Variants in PCNX2 observed in about 807,000 individuals in gnomAD.
PCNX2 encodes pecanex 2.
Under a neutral mutation model 223.8 loss-of-function variants are expected in PCNX2, and 168 were observed. That is an observed-to-expected ratio of 0.75 (90% CI 0.66 to 0.85). PCNX2 has a LOEUF of 0.85. PCNX2 is among the 40% of genes least tolerant of loss of function. The probability of loss-of-function intolerance (pLI) is 0.00; values close to 1 mark genes in which losing one functional copy is unlikely to be tolerated. For missense variants in PCNX2, 2,507 were observed against 2,675.5 expected (o/e 0.94, Z 1.39); for synonymous variants, 1,006 against 1,052.6 (o/e 0.96, Z 0.86).
intron 23 of PCNX2, among the ~76,000 whole-genome samples, chr1:233,074,470 C>G (rs1434143087): frequency 1.3e-5 from 2 of 150,558 alleles, no homozygotes; most frequent in Admixed American, 6.6e-5. Flanking sequence ...TGGCGGGCGC[C>G]TGTAGTCCCA....
At chr1:233,227,851 T>C (rs1329936327) in intron 9 of PCNX2, among the ~76,000 whole-genome samples, 1 of 152,156 alleles carries the variant, frequency 6.6e-6, no homozygotes, top group Non-Finnish European at 1.5e-5. Flanking sequence ...TAAGAAAAAC[T>C]GAAATATTTA....
Position 233,091,606 on chromosome 1 carries a change from A to C in PCNX2, c.3947-1416T>G, listed in dbSNP as rs200168952. ...AACGTAGCCAGGCATTGTGGTGCAC[A>C]CCTGCAGTCCCAGCCACACAGGAGG... On this transcript the variant is annotated intron_variant, in intron 22 of 33. Coordinates refer to ENST00000258229, the MANE Select transcript of PCNX2 (RefSeq NM_014801.4). Among the ~76,000 whole-genome samples, 39 of 152,052 alleles carry C rather than the reference A, an allele frequency of 2.6e-4. No homozygotes were observed. The East Asian group carries it at 7.4e-3, about 29-fold the overall frequency.
At chr1:233,234,932 C>T (rs1477629487) in intron 9 of PCNX2, among the ~76,000 whole-genome samples, 4 of 151,828 alleles carry the variant, frequency 2.6e-5, no homozygotes, top group Admixed American at 6.6e-5. Context: ...AGACCTTGTA[C>T]GGGCTGACAG....
rs115805534 is a variant in PCNX2, at chr1:233,251,114, A to G, written c.2129-282T>C. Among the ~76,000 whole-genome samples the G allele has an allele frequency of 7.5e-3, 1,137 of 152,284 alleles. 9 individuals carry two copies. The highest frequency in any genetic ancestry group is 0.023 in the South Asian group (111 of 4,828). On this transcript the variant is annotated intron_variant, in intron 7 of 33. Transcript: ENST00000258229. ...GTTACTTATTATTTAATTGCTTTTG[A>G]TAGACTTATTTGTATCATCTCTTAA... is the stretch of plus-strand genomic sequence containing the variant.
In PCNX2 at chr1:233,139,916, C is replaced by G. The variant is rs1677011427; in HGVS notation, c.3518-61G>C. ...CGATCAAAGTATTTTTCTTTAAGTACAGGTAATAATAAGTAATATTCCCCC... is the reference window on the plus strand; with the variant it reads ...CGATCAAAGTATTTTTCTTTAAGTAGAGGTAATAATAAGTAATATTCCCCC... On this transcript the variant is annotated intron_variant, in intron 19 of 33. Transcript: ENST00000258229. The surrounding 1 kb of genome is among the most constrained non-coding windows in gnomAD (Gnocchi z 4.4). 2 of 1,563,382 alleles carry G rather than the reference C, an allele frequency of 1.3e-6. No individual in the cohort carries two copies. The highest frequency in any genetic ancestry group is 3.8e-5 in the Admixed American group (2 of 53,252).
chr1:233,275,595 C>T (rs1361733926), intron 1 of PCNX2, among the ~76,000 whole-genome samples: 1 of 152,178 alleles, frequency 6.6e-6, no homozygotes, highest in Admixed American at 6.5e-5. Context: ...TTACACAAAA[C>T]AGTGTGGGAC....
intron 1 of PCNX2, chr1:233,289,516 C>G (rs1035627816): frequency 1.4e-6 from 1 of 706,990 alleles, no homozygotes; most frequent in Non-Finnish European, 2.5e-6. Context: ...TTAAGCAACT[C>G]CATGCTGCAG....
chr1:233,219,644 A>G (rs1323702424), intron 10 of PCNX2, among the ~76,000 whole-genome samples: 1 of 152,158 alleles, frequency 6.6e-6, no homozygotes, highest in African/African-American at 2.4e-5. Flanking sequence ...AAATAATAGG[A>G]TATGTTGTTG....
intron 13 of PCNX2, among the ~76,000 whole-genome samples, chr1:233,207,218 T>C (rs1036510279): frequency 3.3e-5 from 5 of 152,044 alleles, no homozygotes; most frequent in East Asian, 1.9e-4. Flanking sequence ...TTTTCACCTA[T>C]AAGGAGCACA....
chr1:233,209,739 A>C (rs1423099795), intron 12 of PCNX2, among the ~76,000 whole-genome samples: 1 of 152,212 alleles, frequency 6.6e-6, no homozygotes, highest in Non-Finnish European at 1.5e-5. Context: ...GTTCAGTCTT[A>C]AGAATACTTG....
chr1:233,326,126 A>G, the PCNX2 span, among the ~76,000 whole-genome samples: 1 of 152,252 alleles, frequency 6.6e-6, no homozygotes, highest in African/African-American at 2.4e-5. Context: ...AAATTAAGGT[A>G]TAAACATTCT....
At chr1:233,202,291 C>G (rs1347653461) in intron 13 of PCNX2, 1 of 406,348 alleles carries the variant, frequency 2.5e-6, no homozygotes, top group South Asian at 1.9e-5. Context: ...ACTGAGTGGG[C>G]CTATAATTTC....
At chr1:233,326,576 C>G in the PCNX2 span, among the ~76,000 whole-genome samples, 1 of 152,104 alleles carries the variant, frequency 6.6e-6, no homozygotes, top group African/African-American at 2.4e-5. Context: ...CTCAAGGTCA[C>G]ACAGCCAATA....
chr1:233,144,103 C>T (rs1037847294), intron 19 of PCNX2, among the ~76,000 whole-genome samples: 1 of 152,020 alleles, frequency 6.6e-6, no homozygotes, highest in Non-Finnish European at 1.5e-5. Context: ...ATTGCTTGAA[C>T]CCGAGAGGTT....
At chr1:233,193,943 T>C (rs373550574) in intron 15 of PCNX2, among the ~76,000 whole-genome samples, 2 of 152,040 alleles carry the variant, frequency 1.3e-5, no homozygotes, top group East Asian at 1.9e-4. Flanking sequence ...CTAACATGTA[T>C]ATAATTGGAG....
chr1:233,314,156 G>T, the PCNX2 span, among the ~76,000 whole-genome samples: 2 of 152,132 alleles, frequency 1.3e-5, no homozygotes, highest in Non-Finnish European at 2.9e-5. Flanking sequence ...CAGACAGTGA[G>T]TACTACAGAA....
chr1:233,283,488 G>T (rs1661291702), intron 1 of PCNX2, among the ~76,000 whole-genome samples: 1 of 152,138 alleles, frequency 6.6e-6, no homozygotes, highest in East Asian at 1.9e-4. Context: ...ATCTTGTTGG[G>T]TAGAAAGCAA....
At chr1:232,988,407 T>C (rs553794879) in intron 32 of PCNX2, among the ~76,000 whole-genome samples, 1 of 148,824 alleles carries the variant, frequency 6.7e-6, no homozygotes, top group African/African-American at 2.5e-5. Context: ...TTGCTTCAGG[T>C]TTTCTCATTG....
At chr1:233,162,623 T>G (rs904711541) in intron 17 of PCNX2, among the ~76,000 whole-genome samples, 1 of 152,182 alleles carries the variant, frequency 6.6e-6, no homozygotes, top group African/African-American at 2.4e-5. Flanking sequence ...CACCAAAAAT[T>G]TACTTTAGCA....
Sources: allele counts gnomAD v4.1 joint callset (sites outside exome capture counted in the v4.1 genomes callset), GRCh38; gene constraint gnomAD v4.1.1; non-coding constraint Gnocchi (gnomAD v3.1); transcripts MANE v1.5; gene names NCBI Gene and HGNC (gene_info 2026-07-23, HGNC 2026-07-21).